The following HMGA2 variants were observed in gnomAD, a reference collection of about 807,000 sequenced individuals.
The protein encoded by HMGA2 is high mobility group AT-hook 2.
Under a neutral mutation model 19.1 loss-of-function variants are expected in HMGA2, and 8 were observed. That is an observed-to-expected ratio of 0.42 (90% CI 0.25 to 0.76). The LOEUF (loss-of-function observed/expected upper bound fraction) is 0.76, where lower values mean the gene tolerates loss of function less well. Ranked by LOEUF, HMGA2 falls within the 30% of genes least tolerant of loss-of-function variation. The pLI, the probability that HMGA2 is intolerant of heterozygous loss-of-function variation, is 0.28. For missense variants in HMGA2, 109 were observed against 136.3 expected (o/e 0.80, Z 1.00); for synonymous variants, 60 against 48.8 (o/e 1.23, Z -0.96).
intron 3 of HMGA2, chr12:65,915,671 C>T (rs893003320): frequency 4.3e-6 from 2 of 465,752 alleles, no homozygotes; most frequent in Admixed American, 1.1e-4. Context: ...GCCATGACTT[C>T]TGCCAGTTCC....
intron 3 of HMGA2, among the ~76,000 whole-genome samples, chr12:65,925,896 C>T (rs1875487976): frequency 6.6e-6 from 1 of 152,058 alleles, no homozygotes; most frequent in African/African-American, 2.4e-5. Context: ...GACTGCAGAG[C>T]CATAAAGCTG....
intron 3 of HMGA2, among the ~76,000 whole-genome samples, chr12:65,936,516 C>T (rs1875901229): frequency 6.6e-6 from 1 of 152,126 alleles, no homozygotes; most frequent in South Asian, 2.1e-4. Flanking sequence ...ACTTGCAAAT[C>T]AGAGAGTGCA....
In HMGA2 at chr12:65,893,005, G is replaced by A. The variant is rs76677876; in HGVS notation, c.249+54436G>A. ...TATCTGCATCAAAAAGTGTAAAGAC[G>A]GCAGTGTATGGAAGTCCCTCTTCCT... On this transcript the variant is annotated intron_variant, in intron 3 of 4. Transcript: ENST00000403681. Among the ~76,000 whole-genome samples, 405 of 152,198 alleles carry A rather than the reference G, an allele frequency of 2.7e-3. 2 individuals are homozygous for A. Among genetic ancestry groups the A allele is most frequent in the Non-Finnish European group, 4.8e-3 (327 of 68,002 alleles).
intron 3 of HMGA2, among the ~76,000 whole-genome samples, chr12:65,920,824 T>C (rs1875281226): frequency 6.6e-6 from 1 of 152,148 alleles, no homozygotes; most frequent in South Asian, 2.1e-4. Flanking sequence ...GACTAACTAA[T>C]ACAGTAAATT....
At chr12:65,952,482 A>C in intron 4 of HMGA2, 1 of 1,528,594 alleles carries the variant, frequency 6.5e-7, no homozygotes, top group Non-Finnish European at 8.7e-7. Context: ...AAGTGTCTTC[A>C]AACAATTACA....
At chr12:65,839,908 T>C (rs1388271393) in intron 3 of HMGA2, among the ~76,000 whole-genome samples, 3 of 152,234 alleles carry the variant, frequency 2.0e-5, no homozygotes. Flanking sequence ...CTCTAGGTCA[T>C]CCTTCTGGGA....
intron 3 of HMGA2, among the ~76,000 whole-genome samples, chr12:65,933,169 T>C (rs548544890): frequency 1.3e-5 from 2 of 152,128 alleles, no homozygotes; most frequent in African/African-American, 4.8e-5. Context: ...GAAGATAAAG[T>C]AGGGCCTTTG....
At chr12:65,875,881 G>C (rs1872993688) in intron 3 of HMGA2, among the ~76,000 whole-genome samples, 1 of 151,820 alleles carries the variant, frequency 6.6e-6, no homozygotes, top group South Asian at 2.1e-4. Context: ...ACTATCATTA[G>C]AGAATGTGCA....
intron 3 of HMGA2, among the ~76,000 whole-genome samples, chr12:65,890,608 C>G (rs1873860945): frequency 6.6e-6 from 1 of 152,124 alleles, no homozygotes; most frequent in African/African-American, 2.4e-5. Flanking sequence ...ATTGTTCTCC[C>G]TCACAACCCC....
In HMGA2 at chr12:65,842,109, C is replaced by G. The variant is rs963851982; in HGVS notation, c.249+3540C>G. The G allele has an allele frequency of 6.2e-6, 8 of 1,288,696 alleles. No homozygotes were observed. The African/African-American group carries it at 1.2e-4, about 20-fold the overall frequency. 79.8% of individuals were successfully genotyped at this position (1,288,696 alleles called of 1,614,324 possible). On this transcript the variant is annotated intron_variant, in intron 3 of 4. Coordinates refer to ENST00000403681, the MANE Select transcript of HMGA2 (RefSeq NM_003483.6). Reference sequence around the variant, plus strand: ...AGAAGAGGCTAGAGGTAAATTGGGTCTCTTTTTTTCCTGGCTTTTTATAGT... The same window carrying G: ...AGAAGAGGCTAGAGGTAAATTGGGTGTCTTTTTTTCCTGGCTTTTTATAGT...
At chr12:65,831,661 G>C (rs539540466) in intron 2 of HMGA2, among the ~76,000 whole-genome samples, 1 of 151,802 alleles carries the variant, frequency 6.6e-6, no homozygotes, top group African/African-American at 2.4e-5. Flanking sequence ...AAGAAGGCCT[G>C]AATTAATTAG....
chr12:65,931,466 C>A (rs192503599), intron 3 of HMGA2, among the ~76,000 whole-genome samples: 83 of 152,128 alleles, frequency 5.5e-4, no homozygotes, highest in African/African-American at 1.9e-3. Context: ...GATTTTCACA[C>A]ACATAAATAT....
At chr12:65,895,632 G>C (rs1322670589) in intron 3 of HMGA2, among the ~76,000 whole-genome samples, 1 of 152,150 alleles carries the variant, frequency 6.6e-6, no homozygotes, top group Non-Finnish European at 1.5e-5. Context: ...ATGTTAGTTA[G>C]GGGGTTTCAG....
At chr12:65,941,319 T>C (rs969341981) in intron 3 of HMGA2, among the ~76,000 whole-genome samples, 2 of 152,188 alleles carry the variant, frequency 1.3e-5, no homozygotes, top group Non-Finnish European at 2.9e-5. Context: ...AGGAAGAAGG[T>C]ATCCTCTGGA....
intron 3 of HMGA2, among the ~76,000 whole-genome samples, chr12:65,888,974 A>AGAAGG (rs1488598147): frequency 6.6e-6 from 1 of 152,082 alleles, no homozygotes; most frequent in Non-Finnish European, 1.5e-5. Flanking sequence ...TCTTTCCACC[A>AGAAGG]ATAATCAGCT....
chr12:65,947,308 T>C (rs113732029), intron 3 of HMGA2, among the ~76,000 whole-genome samples: 21 of 152,088 alleles, frequency 1.4e-4, no homozygotes, highest in Non-Finnish European at 2.9e-4. Flanking sequence ...AGAGATGAAG[T>C]CTTGCTAGGT....
intron 3 of HMGA2, among the ~76,000 whole-genome samples, chr12:65,845,940 C>T (rs1871216799): frequency 6.6e-6 from 1 of 152,192 alleles, no homozygotes; most frequent in African/African-American, 2.4e-5. Context: ...TTTCTCTCCT[C>T]CCCCCTGCTG....
chr12:65,922,439 G>A (rs1875350015), intron 3 of HMGA2, among the ~76,000 whole-genome samples: 2 of 152,284 alleles, frequency 1.3e-5, no homozygotes, highest in South Asian at 4.2e-4. Flanking sequence ...ACTTCCATGG[G>A]CCCTGTAACC....
At chr12:65,833,621 T>C (rs1005379995) in intron 2 of HMGA2, among the ~76,000 whole-genome samples, 16 of 152,188 alleles carry the variant, frequency 1.1e-4, no homozygotes, top group African/African-American at 3.9e-4. Context: ...TGGAAATACA[T>C]TACTTTTAAC....
Sources: gnomAD v4.1 joint callset for allele counts (sites outside exome capture counted in the v4.1 genomes callset) on GRCh38, gnomAD v4.1.1 for gene constraint, MANE v1.5 for transcripts, NCBI Gene and HGNC (gene_info 2026-07-23, HGNC 2026-07-21) for gene names.